Variants in PCDH15 observed in about 807,000 individuals in gnomAD.
The protein encoded by PCDH15 is protocadherin-15.
PCDH15 carries 129 observed loss-of-function variants against 178.5 expected under a neutral mutation model. The ratio of observed to expected loss-of-function variants is 0.72; its 90% CI spans 0.63 to 0.84. The LOEUF (loss-of-function observed/expected upper bound fraction) is 0.84. PCDH15 is among the 40% of genes least tolerant of loss of function. PCDH15 has a pLI of 0.00. For missense variants in PCDH15, 2,230 were observed against 2,099.9 expected, an observed-to-expected ratio of 1.06 and a Z score of -1.21; for synonymous variants, 800 against 732.0, an observed-to-expected ratio of 1.09 and a Z score of -1.50.
chr10:55,344,247 T>G (rs1844681883), intron 2 of PCDH15, among the ~76,000 whole-genome samples: 1 of 152,136 alleles, frequency 6.6e-6, no homozygotes, highest in Admixed American at 6.6e-5. Flanking sequence ...TGTAAATCAT[T>G]GTGATTATCT....
chr10:55,025,509 A>G (rs1342740011), intron 2 of PCDH15, among the ~76,000 whole-genome samples: 2 of 152,112 alleles, frequency 1.3e-5, no homozygotes, highest in Admixed American at 1.3e-4. Context: ...GACTTTAATC[A>G]TTTTGAAAAT....
At chr10:55,123,081 C>T (rs967361051) in intron 2 of PCDH15, among the ~76,000 whole-genome samples, 1 of 151,884 alleles carries the variant, frequency 6.6e-6, no homozygotes, top group Non-Finnish European at 1.5e-5. Flanking sequence ...ATATCTATCT[C>T]TATAAACAAA....
intron 8 of PCDH15, 105 bp downstream of exon 8, chr10:54,317,166 A>G (rs1410925831): frequency 2.4e-6 from 3 of 1,224,606 alleles, no homozygotes; most frequent in Admixed American, 3.7e-5. Flanking sequence ...ATGTGCATAT[A>G]CTGAGTTTTG....
In PCDH15 at chr10:55,294,023, A is replaced by G. The variant is rs1843076141; in HGVS notation, c.-156+25576T>C. ...TCAAGACTGGGCAATTTACAAAATA[A>G]AGAAGTTTAATGGACTTAACAGTTC... On this transcript the variant is annotated intron_variant, in intron 1 of 5. Coordinates refer to the PCDH15 transcript ENST00000458638. 2.6e-5 allele frequency among the ~76,000 whole-genome samples: 4 copies of G among 152,168 alleles called. No individual in the cohort carries two copies. In the South Asian group the frequency reaches 8.3e-4, roughly 32 times the overall value.
chr10:55,211,437 A>G (rs1268808460), intron 1 of PCDH15, among the ~76,000 whole-genome samples: 2 of 152,134 alleles, frequency 1.3e-5, no homozygotes, highest in African/African-American at 4.8e-5. Context: ...ACACACAAGG[A>G]AAGCTAGTAA....
At chr10:55,476,868 T>C (rs1300526173) in intron 2 of PCDH15, among the ~76,000 whole-genome samples, 1 of 151,948 alleles carries the variant, frequency 6.6e-6, no homozygotes, top group Non-Finnish European at 1.5e-5. Flanking sequence ...GATTATCTTC[T>C]TTCCTCACTT....
At chr10:53,989,896 T>C (rs971554245) in intron 21 of PCDH15, among the ~76,000 whole-genome samples, 5 of 152,166 alleles carry the variant, frequency 3.3e-5, no homozygotes, top group African/African-American at 9.7e-5. Context: ...AACTATATTA[T>C]CTGGAAGGAA....
intron 15 of PCDH15, among the ~76,000 whole-genome samples, chr10:54,103,755 C>A (rs2094857107): frequency 6.6e-6 from 1 of 152,044 alleles, no homozygotes; most frequent in Non-Finnish European, 1.5e-5. Context: ...TTATTATAAC[C>A]TTTTTTTAAC....
At chr10:54,515,988 T>C (rs928799958) in intron 3 of PCDH15, among the ~76,000 whole-genome samples, 3 of 151,802 alleles carry the variant, frequency 2.0e-5, no homozygotes, top group East Asian at 3.9e-4. Context: ...ACACCAAAAA[T>C]CCATCCGTAC....
At chr10:55,186,298 A>C (rs1839798377) in intron 1 of PCDH15, among the ~76,000 whole-genome samples, 1 of 149,914 alleles carries the variant, frequency 6.7e-6, no homozygotes, top group Admixed American at 6.7e-5. Flanking sequence ...ACAATATTTA[A>C]AAAAAAACTT....
chr10:54,385,636 T>A (rs993754586), intron 3 of PCDH15, among the ~76,000 whole-genome samples: 1 of 152,182 alleles, frequency 6.6e-6, no homozygotes, highest in African/African-American at 2.4e-5. Context: ...AGGCTTATCA[T>A]TTGAGAGGTT....
At chr10:55,309,679 A>G (rs1843528936) in intron 1 of PCDH15, among the ~76,000 whole-genome samples, 2 of 152,208 alleles carry the variant, frequency 1.3e-5, no homozygotes, top group Admixed American at 1.3e-4. Flanking sequence ...TTCTGATTAA[A>G]CTTTAAGTGG....
At chr10:54,261,203 C>A (rs771363889) in intron 8 of PCDH15, among the ~76,000 whole-genome samples, 13 of 151,730 alleles carry the variant, frequency 8.6e-5, no homozygotes, top group Admixed American at 6.6e-5. Flanking sequence ...ATCAGTGAGA[C>A]CTTATTTATT....
intron 3 of PCDH15, among the ~76,000 whole-genome samples, chr10:54,393,231 A>G (rs1043579505): frequency 9.2e-5 from 14 of 152,200 alleles, no homozygotes; most frequent in African/African-American, 3.1e-4. Context: ...AATGGTAGTC[A>G]GCTTACACAG....
intron 3 of PCDH15, among the ~76,000 whole-genome samples, chr10:54,433,667 T>C (rs2075172156): frequency 6.6e-6 from 1 of 152,068 alleles, no homozygotes; most frequent in Non-Finnish European, 1.5e-5. Flanking sequence ...AATAATTTAA[T>C]TGTAAATTTA....
chr10:54,894,748 T>C (rs1353080032), intron 3 of PCDH15, among the ~76,000 whole-genome samples: 3 of 150,874 alleles, frequency 2.0e-5, no homozygotes, highest in African/African-American at 5.0e-5. Context: ...ATTACAAAAA[T>C]AGAAGAGAGA....
intron 3 of PCDH15, among the ~76,000 whole-genome samples, chr10:54,873,078 C>A (rs1184644953): frequency 6.6e-6 from 1 of 152,070 alleles, no homozygotes; most frequent in Non-Finnish European, 1.5e-5. Context: ...ATTTTCTGGG[C>A]AGTTATGTCT....
At chr10:54,467,140 TTTTA>T (rs2077571180) in intron 3 of PCDH15, among the ~76,000 whole-genome samples, 1 of 151,904 alleles carries the variant, frequency 6.6e-6, no homozygotes, top group Non-Finnish European at 1.5e-5. Context: ...TTCGAATGCC[TTTTA>T]TTTTTTTTAA....
chr10:54,924,801 T>C lies in PCDH15; in HGVS notation c.-79-27301A>G, dbSNP rs1837577229. 2.0e-5 allele frequency among the ~76,000 whole-genome samples: 3 copies of C among 152,288 alleles called. No individual in the cohort carries two copies. The South Asian group carries it at 6.2e-4, about 32-fold the overall frequency. On this transcript the variant is annotated intron_variant, in intron 2 of 5. Coordinates refer to the PCDH15 transcript ENST00000458638. ...CAAGTTTTATGGTGTTGTTTATATTTTTCTTGTACATTTGTTTAATTTCCT... is the reference window on the plus strand; with the variant it reads ...CAAGTTTTATGGTGTTGTTTATATTCTTCTTGTACATTTGTTTAATTTCCT...
Sources: gnomAD v4.1 joint callset for allele counts (sites outside exome capture counted in the v4.1 genomes callset) on GRCh38, gnomAD v4.1.1 for gene constraint, MANE v1.5 for transcripts, NCBI Gene and HGNC (gene_info 2026-07-23, HGNC 2026-07-21) for gene names.